ENTREP2: variants seen among roughly 807,000 people sequenced by gnomAD.
The protein encoded by ENTREP2 is protein ENTREP2.
chr15:29,606,241 T>C, the ENTREP2 span, among the ~76,000 whole-genome samples: 1 of 149,154 alleles, frequency 6.7e-6, no homozygotes, highest in Non-Finnish European at 1.5e-5. Flanking sequence ...TTTCCTTCTT[T>C]TTTTTTTTTT....
the ENTREP2 span, among the ~76,000 whole-genome samples, chr15:29,184,809 C>T: frequency 2.0e-5 from 3 of 152,142 alleles, no homozygotes; most frequent in Non-Finnish European, 4.4e-5. Context: ...ACTTTGGGGA[C>T]CATGGGACAT....
At chr15:29,227,257 G>T in the ENTREP2 span, among the ~76,000 whole-genome samples, 3 of 152,186 alleles carry the variant, frequency 2.0e-5, no homozygotes, top group African/African-American at 7.2e-5. Context: ...TCAGCCAGGG[G>T]CCCTTCTCAG....
chr15:29,481,369 C>A, the ENTREP2 span, among the ~76,000 whole-genome samples: 4 of 152,122 alleles, frequency 2.6e-5, no homozygotes, highest in African/African-American at 9.7e-5. Flanking sequence ...AATGGATGGG[C>A]CACACTCAGA....
At chr15:29,261,808 T>C in the ENTREP2 span, among the ~76,000 whole-genome samples, 30 of 151,216 alleles carry the variant, frequency 2.0e-4, no homozygotes, top group African/African-American at 7.3e-4. Context: ...GCATTGAATA[T>C]AACAAAAATA....
the ENTREP2 span, among the ~76,000 whole-genome samples, chr15:29,459,706 C>T: frequency 1.3e-5 from 2 of 152,190 alleles, no homozygotes; most frequent in African/African-American, 2.4e-5. Context: ...CTGTGAGCCC[C>T]ACATGCAGCA....
the ENTREP2 span, among the ~76,000 whole-genome samples, chr15:29,648,315 C>T: frequency 1.3e-5 from 2 of 152,168 alleles, no homozygotes; most frequent in East Asian, 1.9e-4. Flanking sequence ...AGATATTATC[C>T]TTGTCGCACC....
the ENTREP2 span, among the ~76,000 whole-genome samples, chr15:29,318,327 T>C: frequency 6.6e-6 from 1 of 152,084 alleles, no homozygotes; most frequent in African/African-American, 2.4e-5. Flanking sequence ...TTTTTTTTGT[T>C]TTTTGTTTTT....
chr15:29,668,119 T>C, the ENTREP2 span, among the ~76,000 whole-genome samples: 1 of 152,082 alleles, frequency 6.6e-6, no homozygotes, highest in Non-Finnish European at 1.5e-5. Flanking sequence ...CCCTAGCCAA[T>C]CAATCGTGGA....
At chr15:29,554,241 G>A in the ENTREP2 span, among the ~76,000 whole-genome samples, 1 of 150,720 alleles carries the variant, frequency 6.6e-6, no homozygotes, top group Non-Finnish European at 1.5e-5. Flanking sequence ...TTGAACCCAG[G>A]AGGCAGAAGG....
At chr15:29,280,304 T>C in the ENTREP2 span, among the ~76,000 whole-genome samples, 2 of 152,144 alleles carry the variant, frequency 1.3e-5, no homozygotes, top group South Asian at 2.1e-4. Flanking sequence ...CCCAGAAACC[T>C]AATGTGAAAG....
the ENTREP2 span, chr15:29,610,791 T>A: frequency 2.7e-5 from 4 of 148,876 alleles, no homozygotes; most frequent in African/African-American, 9.8e-5. Flanking sequence ...TCATCTCCCA[T>A]CCCCTATGTG....
chr15:29,418,244 G>A, the ENTREP2 span, among the ~76,000 whole-genome samples: 1 of 152,148 alleles, frequency 6.6e-6, no homozygotes, highest in Admixed American at 6.6e-5. Flanking sequence ...AAATGCATTA[G>A]CATTTAATGC....
the ENTREP2 span, among the ~76,000 whole-genome samples, chr15:29,140,064 C>T: frequency 3.3e-5 from 5 of 152,216 alleles, no homozygotes; most frequent in African/African-American, 1.2e-4. Flanking sequence ...CCACCTCCTC[C>T]CTTCTGTTCC....
chr15:29,561,846 G>A, the ENTREP2 span, among the ~76,000 whole-genome samples: 6 of 152,248 alleles, frequency 3.9e-5, no homozygotes, highest in East Asian at 1.2e-3. Flanking sequence ...ACCAGAAACA[G>A]GATATTGGCA....
chr15:29,584,682 A>G, the ENTREP2 span, among the ~76,000 whole-genome samples: 2 of 152,106 alleles, frequency 1.3e-5, no homozygotes, highest in African/African-American at 4.8e-5. Context: ...AAATGGGGAG[A>G]TGTTGGTCAA....
chr15:29,527,482 G>A, the ENTREP2 span, among the ~76,000 whole-genome samples: 3 of 152,130 alleles, frequency 2.0e-5, no homozygotes. Flanking sequence ...TGTCCCTGTT[G>A]TAGGCTCAGG....
the ENTREP2 span, among the ~76,000 whole-genome samples, chr15:29,221,542 C>G: frequency 6.6e-6 from 1 of 152,120 alleles, no homozygotes; most frequent in Non-Finnish European, 1.5e-5. Context: ...AACGTTCACA[C>G]AAGCCTCCTC....
chr15:29,574,273 T>C, the ENTREP2 span, among the ~76,000 whole-genome samples: 1 of 151,382 alleles, frequency 6.6e-6, no homozygotes, highest in Non-Finnish European at 1.5e-5. Context: ...GACAAAACCA[T>C]TGTTCTTTTG....
At chr15:29,583,504 G>T in the ENTREP2 span, among the ~76,000 whole-genome samples, 1 of 152,110 alleles carries the variant, frequency 6.6e-6, no homozygotes, top group Non-Finnish European at 1.5e-5. Flanking sequence ...GCAATGAGGG[G>T]GAGAGCATTA....
Sources: allele counts gnomAD v4.1 joint callset (sites outside exome capture counted in the v4.1 genomes callset), GRCh38; gene constraint gnomAD v4.1.1; transcripts MANE v1.5; gene names NCBI Gene and HGNC (gene_info 2026-07-23, HGNC 2026-07-21).